TENM4: variants seen among roughly 807,000 people sequenced by gnomAD.
The protein encoded by TENM4 is teneurin transmembrane protein 4, also known as teneurin-4.
A neutral mutation model predicts 243.3 loss-of-function variants in TENM4; 82 were observed. The ratio of observed to expected loss-of-function variants is 0.34; its 90% confidence interval spans 0.28 to 0.40. The LOEUF (loss-of-function observed/expected upper bound fraction) is 0.40. Among genes scored for constraint, TENM4 ranks in the 10% least tolerant of loss-of-function variants. The pLI, the probability that TENM4 is intolerant of heterozygous loss-of-function variation, is 1.00. For synonymous variants in TENM4, 1,412 were observed against 1,456.3 expected, an observed-to-expected ratio of 0.97 and a Z score of 0.69; for missense variants, 3,138 against 3,673.3, an observed-to-expected ratio of 0.85 and a Z score of 3.77.
intron 4 of TENM4, among the ~76,000 whole-genome samples, chr11:79,086,583 C>T (rs999014161): frequency 2.0e-5 from 3 of 152,092 alleles, no homozygotes; most frequent in African/African-American, 7.2e-5. Flanking sequence ...CCTGTAATCC[C>T]AGCACTTTGG....
At chr11:78,774,215 G>A (rs2136002195) in intron 17 of TENM4, among the ~76,000 whole-genome samples, 1 of 152,156 alleles carries the variant, frequency 6.6e-6, no homozygotes, top group Middle Eastern at 3.4e-3. Flanking sequence ...AATGAGAGCT[G>A]TTATTATTAT....
chr11:78,814,448 G>T, intron 12 of TENM4, 53 bp from the exon 13 acceptor site: 2 of 1,474,242 alleles, frequency 1.4e-6, no homozygotes, highest in Non-Finnish European at 1.8e-6. Context: ...TACCCAAACA[G>T]AGAGCCCAGG....
intron 2 of TENM4, among the ~76,000 whole-genome samples, chr11:79,228,080 T>C (rs1163242102): frequency 6.6e-6 from 1 of 152,090 alleles, no homozygotes; most frequent in African/African-American, 2.4e-5. Flanking sequence ...AGAAAGAATT[T>C]GGATGTGAAA....
intron 3 of TENM4, among the ~76,000 whole-genome samples, chr11:79,190,143 C>T (rs1863451096): frequency 6.6e-6 from 1 of 152,216 alleles, no homozygotes; most frequent in Non-Finnish European, 1.5e-5. Context: ...GGGTACTCCC[C>T]TATTTGCCTG....
At chr11:79,124,046 C>CAAT (rs2137138946) in intron 4 of TENM4, among the ~76,000 whole-genome samples, 1 of 152,284 alleles carries the variant, frequency 6.6e-6, no homozygotes, top group Non-Finnish European at 1.5e-5. Flanking sequence ...TTTTGTCCTA[C>CAAT]AATAATACCT....
At chr11:78,852,905 G>A (rs1278816613) in intron 12 of TENM4, among the ~76,000 whole-genome samples, 2 of 145,996 alleles carry the variant, frequency 1.4e-5, no homozygotes, top group East Asian at 2.0e-4. Flanking sequence ...ATGCACCATC[G>A]CACCTGGATA....
intron 6 of TENM4, among the ~76,000 whole-genome samples, chr11:79,004,019 C>T (rs1235829705): frequency 6.9e-6 from 1 of 145,276 alleles, no homozygotes; most frequent in Non-Finnish European, 1.5e-5. Flanking sequence ...AGACTTTAAA[C>T]CAACAAAGAT....
At chr11:78,835,623 T>TTCACTTCAACATATCTAAATAA (rs1858085726) in intron 12 of TENM4, among the ~76,000 whole-genome samples, 2 of 152,240 alleles carry the variant, frequency 1.3e-5, no homozygotes, top group Non-Finnish European at 2.9e-5. Context: ...TAATTATTAA[T>TTCACTTCAACATATCTAAATAA]TGTTGGTGAT....
At chr11:79,354,061 T>C (rs1446593938) in intron 1 of TENM4, among the ~76,000 whole-genome samples, 10 of 152,210 alleles carry the variant, frequency 6.6e-5, no homozygotes, top group Non-Finnish European at 1.3e-4. Flanking sequence ...AGACCCATTG[T>C]TTATTTTTGT....
At chr11:79,068,871 A>C (rs759030442) in intron 5 of TENM4, among the ~76,000 whole-genome samples, 1 of 152,148 alleles carries the variant, frequency 6.6e-6, no homozygotes, top group Non-Finnish European at 1.5e-5. Context: ...AGTCTAGAAA[A>C]ACAGAAACAG....
At chr11:78,980,319 C>T (rs759555840) in intron 6 of TENM4, among the ~76,000 whole-genome samples, 13 of 152,206 alleles carry the variant, frequency 8.5e-5, no homozygotes, top group Non-Finnish European at 1.8e-4. Flanking sequence ...CTTTCATTAT[C>T]CCCGTTTCAG....
At chr11:79,401,571 A>G (rs1858462577) in intron 1 of TENM4, among the ~76,000 whole-genome samples, 1 of 152,230 alleles carries the variant, frequency 6.6e-6, no homozygotes, top group Admixed American at 6.5e-5. Flanking sequence ...GAAAACGTCA[A>G]TCATTATTTT....
rs1056051604 is a variant in TENM4, at chr11:79,069,866, C to A, written c.79G>T (p.Ala27Ser). Residue 27 changes from alanine (A) to serine (S), a missense_variant, in exon 5 of 34, where the codon GCG (alanine) becomes TCG (serine). Ala to Ser is a moderately conservative substitution (Grantham distance 99). Transcript: ENST00000278550. ...GGGGCTTTGCCCTCCTCGCTGTCCGCGGACGAGCTGGTGTAGCGGCGCTCG... is the reference window on the plus strand; with the variant it reads ...GGGGCTTTGCCCTCCTCGCTGTCCGAGGACGAGCTGGTGTAGCGGCGCTCG... ...DAERRYTSSS[A>S]DSEEGKAPQK... The A allele has an allele frequency of 1.9e-6, 3 of 1,549,944 alleles. No individual in the cohort carries two copies. In the Admixed American group the frequency reaches 5.9e-5, roughly 30 times the overall value.
intron 6 of TENM4, among the ~76,000 whole-genome samples, chr11:78,937,789 C>T (rs623086): frequency 0.91 from 137,811 of 152,208 alleles, 62,938 homozygotes; most frequent in Non-Finnish European, 0.97. Context: ...GATAAGGAAG[C>T]CCCCTCTGCT....
chr11:78,760,178 C>G (rs149177231), intron 18 of TENM4, among the ~76,000 whole-genome samples: 1 of 152,210 alleles, frequency 6.6e-6, no homozygotes, highest in Non-Finnish European at 1.5e-5. Flanking sequence ...AGTGACTGTA[C>G]TCCACAGAGG....
intron 3 of TENM4, among the ~76,000 whole-genome samples, chr11:79,189,383 A>C (rs1037844963): frequency 2.6e-5 from 4 of 152,214 alleles, no homozygotes; most frequent in African/African-American, 9.7e-5. Context: ...AGCATTTATC[A>C]TAATTATATG....
At position 78,964,055 on chromosome 11, in the gene TENM4, T is replaced by C. The variant is rs1359315066; in HGVS notation, c.494-60532A>G. 5.7e-5 allele frequency among the ~76,000 whole-genome samples: 8 copies of C among 140,012 alleles called. No individual in the cohort carries two copies. In the East Asian group the frequency reaches 1.2e-3, roughly 22 times the overall value. The allele number at this position is 140,012 out of a possible 152,430, so 91.9% of individuals were successfully genotyped here. On this transcript the variant is annotated intron_variant, in intron 6 of 33. Coordinates refer to ENST00000278550, the MANE Select transcript of TENM4 (RefSeq NM_001098816.3). ...CCCAGACTTTTTTTTTTTTTTTTTT[T>C]TTCCCCTAGATGGAGTCTTGCTCTG...
intron 3 of TENM4, among the ~76,000 whole-genome samples, chr11:79,179,433 A>G (rs1463700306): frequency 6.6e-6 from 1 of 152,212 alleles, no homozygotes; most frequent in Non-Finnish European, 1.5e-5. Flanking sequence ...AAAGTCAGAA[A>G]TCTTCACTAT....
At position 79,379,592 on chromosome 11, in the gene TENM4, G is replaced by A. The variant is rs983976356; in HGVS notation, c.-321+60917C>T. Among the ~76,000 whole-genome samples, 3 of 152,284 alleles carry A rather than the reference G, an allele frequency of 2.0e-5. 1 individual carries two copies. The highest frequency in any genetic ancestry group is 7.2e-5 in the African/African-American group (3 of 41,552). On this transcript the variant is annotated intron_variant, in intron 1 of 33. Coordinates refer to ENST00000278550, the MANE Select transcript of TENM4 (RefSeq NM_001098816.3). Reference sequence around the variant, plus strand: ...TGCTTGGCACTGTACAAAGCACTGAGCATCCACTATTTTATATGCTCCTTC... The same window carrying A: ...TGCTTGGCACTGTACAAAGCACTGAACATCCACTATTTTATATGCTCCTTC...
Sources: gnomAD v4.1 joint callset for allele counts (sites outside exome capture counted in the v4.1 genomes callset) on GRCh38, gnomAD v4.1.1 for gene constraint, MANE v1.5 for transcripts, NCBI Gene and HGNC (gene_info 2026-07-23, HGNC 2026-07-21) for gene names.